Variants in PHKB observed in about 807,000 individuals in gnomAD.
PHKB encodes phosphorylase b kinase regulatory subunit beta.
PHKB carries 122 observed loss-of-function variants against 152.1 expected under a neutral mutation model. That is an observed-to-expected ratio of 0.80 (90% CI 0.69 to 0.93). PHKB has a LOEUF of 0.93. Ranked by LOEUF, PHKB falls within the 40% of genes least tolerant of loss-of-function variation. The pLI is 0.00. For synonymous variants in PHKB, 436 were observed against 464.9 expected (o/e 0.94, Z 0.80); for missense variants, 1,304 against 1,328.4 (o/e 0.98, Z 0.29).
chr16:47,653,216 A>T (rs1567342747), intron 20 of PHKB, among the ~76,000 whole-genome samples: 2 of 152,200 alleles, frequency 1.3e-5, no homozygotes. Flanking sequence ...AGCAGGGTGG[A>T]GGAAGGGAAC....
intron 7 of PHKB, chr16:47,565,037 T>A: frequency 2.5e-6 from 1 of 402,942 alleles, no homozygotes; most frequent in Non-Finnish European, 4.8e-6. Flanking sequence ...TCTCTAATGT[T>A]CCAGGGTGCA....
At position 47,650,637 on chromosome 16, in the gene PHKB, A is replaced by G; in HGVS notation, c.1880+11A>G. ...GGAAGACAATATAAGGTAGGTTGAT[A>G]AAAGAAGTAAGGTACGTGTGTCTCA... On this transcript the variant is annotated intron_variant, in intron 19 of 30. Transcript: ENST00000323584. The G allele has an allele frequency of 6.4e-7, 1 of 1,561,880 alleles. No homozygotes were observed. The highest frequency in any genetic ancestry group is 8.8e-7 in the Non-Finnish European group (1 of 1,132,418).
intron 16 of PHKB, 118 bp downstream of exon 16, chr16:47,641,810 TC>T (rs1973028017): frequency 1.4e-6 from 1 of 696,042 alleles, no homozygotes; most frequent in Non-Finnish European, 2.6e-6. Flanking sequence ...GGACCAGTAA[TC>T]CAAAAGCTTC....
chr16:47,649,289 G>A, intron 18 of PHKB, 85 bp downstream of exon 18: 2 of 814,666 alleles, frequency 2.5e-6, no homozygotes, highest in Non-Finnish European at 4.4e-6. Context: ...GTACTCCCAG[G>A]TATCTGTGAC....
intron 6 of PHKB, among the ~76,000 whole-genome samples, chr16:47,526,635 A>G (rs1970773487): frequency 6.6e-6 from 1 of 152,056 alleles, no homozygotes; most frequent in Admixed American, 6.6e-5. Flanking sequence ...AGCAAAAAGA[A>G]AAAAAAATAG....
intron 1 of PHKB, among the ~76,000 whole-genome samples, chr16:47,472,564 C>T (rs1969789758): frequency 1.3e-5 from 2 of 152,076 alleles, no homozygotes; most frequent in African/African-American, 2.4e-5. Context: ...GGGCGGATCA[C>T]GAGATCAGGA....
intron 26 of PHKB, among the ~76,000 whole-genome samples, chr16:47,677,574 G>C (rs759575139): frequency 3.3e-5 from 5 of 152,144 alleles, no homozygotes; most frequent in Non-Finnish European, 7.4e-5. Flanking sequence ...GAGCTCTCTG[G>C]TATGTCTTCT....
At chr16:47,569,771 G>A (rs1298358695) in intron 7 of PHKB, among the ~76,000 whole-genome samples, 3 of 152,002 alleles carry the variant, frequency 2.0e-5, no homozygotes, top group Admixed American at 2.0e-4. Context: ...ACAGGTGCAC[G>A]CCACCACGCC....
At position 47,700,460 on chromosome 16, in the gene PHKB, TAATG is replaced by T. The variant is rs972922856; in HGVS notation, c.*1097_*1100del. 4 of 152,090 alleles carry T rather than the reference TAATG, an allele frequency of 2.6e-5. No homozygotes were observed. Among genetic ancestry groups the T allele is most frequent in the Non-Finnish European group, 5.9e-5 (4 of 67,984 alleles). The allele number at this position is 152,090 out of a possible 1,614,324, so 9.4% of individuals were successfully genotyped here. A position where few individuals can be genotyped will look rare whatever the true frequency, so the allele number is the denominator to read the frequency against. On this transcript the variant is annotated 3_prime_UTR_variant, in exon 31 of 31. Transcript: ENST00000323584. Reference sequence around the variant, plus strand: ...GGGTCATTAAATTTTATTTCTGAATTAATGAACATATCTGGACATTTTTTGTTCC... The same window carrying T: ...GGGTCATTAAATTTTATTTCTGAATTAACATATCTGGACATTTTTTGTTCC...
intron 19 of PHKB, 81 bp downstream of exon 19, chr16:47,650,707 ATGTTTT>A (rs1973221665): frequency 2.4e-6 from 3 of 1,244,290 alleles, no homozygotes; most frequent in Non-Finnish European, 3.6e-6. Flanking sequence ...GCCTCCTTGG[ATGTTTT>A]TGTATCCTTC....
rs574482438 is a variant in PHKB at position 47,506,937 on chromosome 16, T to C, written c.405+3847T>C. On this transcript the variant is annotated intron_variant, in intron 4 of 30. Transcript: ENST00000323584. Reference sequence around the variant, plus strand: ...TTGACAAGCTTGGATTAAGGTTTTTTCCTTGTGGCACGGTTAGCCAGTTGG... The same window carrying C: ...TTGACAAGCTTGGATTAAGGTTTTTCCCTTGTGGCACGGTTAGCCAGTTGG... Among the ~76,000 whole-genome samples the C allele has an allele frequency of 8.5e-5, 13 of 152,370 alleles. No homozygotes were observed. In the East Asian group the frequency reaches 1.4e-3, roughly 16 times the overall value.
At chr16:47,578,668 T>G (rs536290490) in intron 7 of PHKB, among the ~76,000 whole-genome samples, 2 of 152,164 alleles carry the variant, frequency 1.3e-5, no homozygotes, top group South Asian at 4.1e-4. Flanking sequence ...TCTTGATTGG[T>G]GATGAAATGG....
At chr16:47,605,734 G>A (rs563138253) in intron 13 of PHKB, among the ~76,000 whole-genome samples, 2 of 152,032 alleles carry the variant, frequency 1.3e-5, no homozygotes, top group Admixed American at 1.3e-4. Flanking sequence ...TTTTCAGAGA[G>A]AAAGGAGAAC....
In PHKB at chr16:47,661,704, G is replaced by T; in HGVS notation, c.2197-15G>T. 1 of 1,590,252 alleles carries T rather than the reference G, an allele frequency of 6.3e-7. No individual in the cohort carries two copies. The highest frequency in any genetic ancestry group is 8.6e-7 in the Non-Finnish European group (1 of 1,158,414). ...CCATTTCATTCCAGTTCCTCACCGT[G>T]ATTTATATTTTCAGGATTGCAGTTG... On this transcript the variant is annotated splice_polypyrimidine_tract_variant and intron_variant, in intron 22 of 30. Coordinates refer to ENST00000323584, the MANE Select transcript of PHKB (RefSeq NM_000293.3).
intron 4 of PHKB, among the ~76,000 whole-genome samples, chr16:47,503,743 C>T (rs1052678214): frequency 3.3e-5 from 5 of 151,960 alleles, no homozygotes; most frequent in Admixed American, 1.3e-4. Context: ...GCAGGAGAAT[C>T]GCTTGAACCT....
chr16:47,467,816 G>A (rs1013917543), intron 1 of PHKB, among the ~76,000 whole-genome samples: 1 of 152,148 alleles, frequency 6.6e-6, no homozygotes, highest in Non-Finnish European at 1.5e-5. Flanking sequence ...TTCTAAAAGC[G>A]ATTTTCCTTG....
chr16:47,680,170 C>T (rs935782792), intron 26 of PHKB, among the ~76,000 whole-genome samples: 1 of 152,140 alleles, frequency 6.6e-6, no homozygotes, highest in Non-Finnish European at 1.5e-5. Context: ...ATTCAGTTTG[C>T]CAGTATTTTA....
intron 1 of PHKB, among the ~76,000 whole-genome samples, chr16:47,483,734 T>C (rs1444382545): frequency 6.6e-6 from 1 of 152,214 alleles, no homozygotes; most frequent in Non-Finnish European, 1.5e-5. Flanking sequence ...CTTATAGTTA[T>C]AGTTAAGGTT....
intron 20 of PHKB, among the ~76,000 whole-genome samples, chr16:47,653,871 G>T (rs1350380891): frequency 6.6e-6 from 1 of 152,200 alleles, no homozygotes; most frequent in African/African-American, 2.4e-5. Flanking sequence ...TTTCAGTGGA[G>T]TAGAGCTTTT....
Sources: allele counts gnomAD v4.1 joint callset (sites outside exome capture counted in the v4.1 genomes callset), GRCh38; gene constraint gnomAD v4.1.1; transcripts MANE v1.5; gene names NCBI Gene and HGNC (gene_info 2026-07-23, HGNC 2026-07-21).